TGFA: variants seen among roughly 807,000 people sequenced by gnomAD.
TGFA encodes protransforming growth factor alpha.
TGFA carries 12 observed loss-of-function variants against 21.7 expected under a neutral mutation model. The ratio of observed to expected loss-of-function variants is 0.55; its 90% CI spans 0.35 to 0.90. TGFA has a LOEUF of 0.90. TGFA is among the 40% of genes least tolerant of loss of function. TGFA has a pLI of 0.01. For missense variants in TGFA, 178 were observed against 210.8 expected (o/e 0.84, Z 0.96); for synonymous variants, 79 against 88.1 (o/e 0.90, Z 0.58).
chr2:70,504,679 G>T (rs1240341397), intron 2 of TGFA, among the ~76,000 whole-genome samples: 4 of 151,784 alleles, frequency 2.6e-5, no homozygotes, highest in Non-Finnish European at 5.9e-5. Flanking sequence ...AAATTTTAAT[G>T]AAATGAAGGG....
At chr2:70,485,029 CA>C (rs1671227915) in intron 2 of TGFA, among the ~76,000 whole-genome samples, 1 of 152,124 alleles carries the variant, frequency 6.6e-6, no homozygotes, top group Non-Finnish European at 1.5e-5. Flanking sequence ...TTCAGTTTTC[CA>C]AAAACATTTC....
At chr2:70,532,043 G>A (rs1672826402) in intron 1 of TGFA, among the ~76,000 whole-genome samples, 1 of 152,290 alleles carries the variant, frequency 6.6e-6, no homozygotes, top group African/African-American at 2.4e-5. Flanking sequence ...CCCAGTATAA[G>A]GGAGGCAGTA....
Position 70,450,010 on chromosome 2 carries a change from A to G in TGFA, c.*849T>C, listed in dbSNP as rs997323990. ...GGCATTTACCGGCTTTGTGGCTTCA[A>G]TGGCACCATTTCTGAACCCCTACCT... On this transcript the variant is annotated 3_prime_UTR_variant, in exon 6 of 6. Coordinates refer to ENST00000295400, the MANE Select transcript of TGFA (RefSeq NM_003236.4). The G allele has an allele frequency of 2.0e-5, 3 of 152,248 alleles. No homozygotes were observed. Among genetic ancestry groups the G allele is most frequent in the Non-Finnish European group, 1.5e-5 (1 of 68,090 alleles). The allele number at this position is 152,248 out of a possible 1,614,324, so 9.4% of individuals were successfully genotyped here.
rs200599344 is a variant in TGFA at position 70,516,872 on chromosome 2, G to GT, written c.41-1961_41-1960insA. On this transcript the variant is annotated intron_variant, in intron 1 of 5. Transcript: ENST00000295400. Reference sequence around the variant, plus strand: ...AAGCGTGACTTGCCTGTCACAAACTGCCCCGAACTAAAGAATTATCTTCAT... The same window carrying GT: ...AAGCGTGACTTGCCTGTCACAAACTGTCCCCGAACTAAAGAATTATCTTCAT... Among the ~76,000 whole-genome samples the GT allele has an allele frequency of 2.3e-3, 306 of 135,630 alleles. 2 individuals are homozygous for GT. The highest frequency in any genetic ancestry group is 9.7e-3 in the African/African-American group (290 of 29,892). The allele number at this position is 135,630 out of a possible 152,430, so 89.0% of individuals were successfully genotyped here. A position where few individuals can be genotyped will look rare whatever the true frequency, so the allele number is the denominator to read the frequency against.
rs79967376 is a variant in TGFA at position 70,519,675 on chromosome 2, C to T, written c.41-4763G>A. The stretch of plus-strand genomic sequence containing the variant: ...CAGCAAGTTCCAACTAGAAAAATCT[C>T]GGGAAATACTTCATGATTATGACAT... On this transcript the variant is annotated intron_variant, in intron 1 of 5. Transcript: ENST00000295400. Among the ~76,000 whole-genome samples, 1,046 of 152,322 alleles carry T rather than the reference C, an allele frequency of 6.9e-3. 15 individuals carry two copies. The highest frequency in any genetic ancestry group is 0.012 in the Non-Finnish European group (789 of 68,032).
chr2:70,505,768 C>T (rs1450139156), intron 2 of TGFA, among the ~76,000 whole-genome samples: 1 of 152,148 alleles, frequency 6.6e-6, no homozygotes, highest in Admixed American at 6.5e-5. Context: ...TCATCTAATC[C>T]ATTTTCTCCT....
intron 1 of TGFA, among the ~76,000 whole-genome samples, chr2:70,529,550 C>T (rs1307863367): frequency 6.6e-6 from 1 of 150,826 alleles, no homozygotes; most frequent in Admixed American, 6.6e-5. Flanking sequence ...CTGGAAATAT[C>T]TGGAGGAAGA....
In TGFA at chr2:70,453,226, G is replaced by A. The variant is rs782687296; in HGVS notation, c.467C>T (p.Ser156Leu). 4 of 1,613,752 alleles carry A rather than the reference G, an allele frequency of 2.5e-6. No individual in the cohort carries two copies. The African/African-American group carries it at 5.3e-5, about 22-fold the overall frequency. ...LLKGRTACCH[S>L]ETVV Reference sequence around the variant, plus strand: ...GAGAAGAGTCTCCTTACCTGTTTCTGAGTGGCAGCAAGCGGTTCTTCCCTT... The same window carrying A: ...GAGAAGAGTCTCCTTACCTGTTTCTAAGTGGCAGCAAGCGGTTCTTCCCTT... The change falls in exon 5 of 6, where the codon TCA becomes TTA. Residue 156 changes from serine to leucine, a missense_variant. Coordinates refer to ENST00000295400, the MANE Select transcript of TGFA (RefSeq NM_003236.4).
chr2:70,553,631 A>T, intron 1 of TGFA, 97 bp downstream of exon 1: 4 of 1,306,640 alleles, frequency 3.1e-6, no homozygotes, highest in Non-Finnish European at 3.9e-6. Flanking sequence ...CCACTCTCCC[A>T]GGCGGGCGCA....
chr2:70,538,527 T>G (rs1035392000), intron 1 of TGFA, among the ~76,000 whole-genome samples: 2 of 152,202 alleles, frequency 1.3e-5, no homozygotes, highest in Non-Finnish European at 2.9e-5. Flanking sequence ...AGAAGTTGAT[T>G]CCAACCCTGA....
chr2:70,539,737 G>A (rs1553504993), intron 1 of TGFA, among the ~76,000 whole-genome samples: 3 of 152,190 alleles, frequency 2.0e-5, no homozygotes, highest in South Asian at 2.1e-4. Flanking sequence ...TTACAGGTAT[G>A]AGACACCACA....
intron 1 of TGFA, among the ~76,000 whole-genome samples, chr2:70,549,040 A>G (rs1023436255): frequency 6.6e-6 from 1 of 152,228 alleles, no homozygotes; most frequent in Non-Finnish European, 1.5e-5. Context: ...GCAAAGAGCT[A>G]TGTTCATATT....
At chr2:70,532,423 G>A (rs1364883226) in intron 1 of TGFA, among the ~76,000 whole-genome samples, 1 of 152,126 alleles carries the variant, frequency 6.6e-6, no homozygotes, top group Admixed American at 6.5e-5. Context: ...TGACATCACA[G>A]CCCCCAGAGA....
chr2:70,545,986 T>C (rs1673291177), intron 1 of TGFA, among the ~76,000 whole-genome samples: 2 of 152,378 alleles, frequency 1.3e-5, no homozygotes, highest in South Asian at 4.1e-4. Flanking sequence ...ACAAATTTAC[T>C]GACTCTAACA....
chr2:70,534,875 G>C (rs1672925257), intron 1 of TGFA, among the ~76,000 whole-genome samples: 1 of 152,108 alleles, frequency 6.6e-6, no homozygotes, highest in Non-Finnish European at 1.5e-5. Context: ...AACAACTCCA[G>C]GCACCTCAGC....
chr2:70,453,487 T>C (rs1553490019), intron 4 of TGFA, among the ~76,000 whole-genome samples, 160 bp from the exon 5 acceptor site: 1 of 152,180 alleles, frequency 6.6e-6, no homozygotes, highest in East Asian at 1.9e-4. Flanking sequence ...CATAGGGGGC[T>C]GAGGGCATTG....
chr2:70,512,122 C>G (rs1403406938), intron 2 of TGFA, among the ~76,000 whole-genome samples: 2 of 152,140 alleles, frequency 1.3e-5, no homozygotes, highest in Non-Finnish European at 2.9e-5. Context: ...TAAGCATAAG[C>G]CTGATCTAGT....
At chr2:70,470,723 A>G (rs1384004822) in intron 2 of TGFA, among the ~76,000 whole-genome samples, 2 of 152,212 alleles carry the variant, frequency 1.3e-5, no homozygotes, top group Non-Finnish European at 2.9e-5. Context: ...ACCAGAGTGG[A>G]AACAAGCCTG....
chr2:70,458,975 G>A (rs1670328812), intron 3 of TGFA, among the ~76,000 whole-genome samples: 1 of 152,220 alleles, frequency 6.6e-6, no homozygotes, highest in Admixed American at 6.5e-5. Flanking sequence ...TTGTGGACAA[G>A]CCAATGAGAC....
Sources: allele counts gnomAD v4.1 joint callset (sites outside exome capture counted in the v4.1 genomes callset), GRCh38; gene constraint gnomAD v4.1.1; transcripts MANE v1.5; gene names NCBI Gene and HGNC (gene_info 2026-07-23, HGNC 2026-07-21).